Variants in PEDS1 observed in about 807,000 individuals in gnomAD.
The protein encoded by PEDS1 is CarF homolog.
Under a neutral mutation model 35.2 loss-of-function variants are expected in PEDS1, and 14 were observed. That is an observed-to-expected ratio of 0.40 (90% CI 0.26 to 0.62). PEDS1 has a LOEUF of 0.62. PEDS1 is among the 20% of genes least tolerant of loss of function. The pLI is 0.44. For missense variants in PEDS1, 260 were observed against 367.8 expected (o/e 0.71, Z 2.40); for synonymous variants, 152 against 152.0 (o/e 1.00, Z 0.00).
intron 1 of PEDS1, among the ~76,000 whole-genome samples, chr20:50,145,298 G>C (rs2081334384): frequency 6.6e-6 from 1 of 152,176 alleles, no homozygotes; most frequent in Non-Finnish European, 1.5e-5. Context: ...GGGAAGCTGA[G>C]GCGAGAGGAT....
At chr20:50,131,111 C>T in intron 2 of PEDS1, 164 bp from the exon 3 acceptor site, 2 of 1,518,658 alleles carry the variant, frequency 1.3e-6, no homozygotes, top group Middle Eastern at 1.8e-4. Context: ...TCAGGCTTAA[C>T]ACTCCTCCTG....
intron 2 of PEDS1, among the ~76,000 whole-genome samples, chr20:50,142,495 T>TG (rs1569048614): frequency 6.6e-6 from 1 of 152,194 alleles, no homozygotes; most frequent in African/African-American, 2.4e-5. Flanking sequence ...TGAAGTGCTG[T>TG]GGCGTGATCT....
Position 50,134,023 on chromosome 20 carries a change from G to A in PEDS1, c.242-3076C>T, listed in dbSNP as rs141063583. On this transcript the variant is annotated intron_variant, in intron 2 of 5. Coordinates refer to ENST00000371652, the MANE Select transcript of PEDS1 (RefSeq NM_199129.4). ...TACTTTGGGATGCTGTGTATGCACT[G>A]CCTCTGTCTACCAGCAGGGACAAAA... Among the ~76,000 whole-genome samples the A allele has an allele frequency of 4.6e-5, 7 of 152,320 alleles. No individual in the cohort carries two copies. The East Asian group carries it at 9.6e-4, about 21-fold the overall frequency.
Position 50,153,581 on chromosome 20 carries a change from C to G in PEDS1, c.57G>C (p.Ala19=). 2 of 1,432,448 alleles carry G rather than the reference C, an allele frequency of 1.4e-6. No individual in the cohort carries two copies. The highest frequency in any genetic ancestry group is 1.4e-5 in the South Asian group (1 of 73,482). The allele number at this position is 1,432,448 out of a possible 1,614,324, so 88.7% of individuals were successfully genotyped here. ...GQQLELDEDE[A]SCCRWGAQHA... is the part of the protein sequence containing the mutation. ...GCTGCGCGCCCCAGCGGCAACAAGACGCCTCGTCCTCGTCCAGCTCCAGCT... is the reference window on the plus strand; with the variant it reads ...GCTGCGCGCCCCAGCGGCAACAAGAGGCCTCGTCCTCGTCCAGCTCCAGCT... Residue 19 remains alanine, a synonymous_variant, in exon 1 of 6, where the codon GCG becomes GCC. Coordinates refer to ENST00000371652, the MANE Select transcript of PEDS1 (RefSeq NM_199129.4).
chr20:50,153,091 T>C (rs1601239302), intron 1 of PEDS1, among the ~76,000 whole-genome samples: 2 of 149,268 alleles, frequency 1.3e-5, no homozygotes, highest in Non-Finnish European at 3.0e-5. Context: ...GAACCCAGGA[T>C]GAGGTGTGAC....
chr20:50,143,433 C>A, intron 2 of PEDS1, 69 bp downstream of exon 2: 2 of 1,552,042 alleles, frequency 1.3e-6, no homozygotes, highest in Non-Finnish European at 8.7e-7. Flanking sequence ...CACACACACG[C>A]GCCAGTTACC....
At chr20:50,136,439 G>A (rs1387797128) in intron 2 of PEDS1, among the ~76,000 whole-genome samples, 1 of 152,154 alleles carries the variant, frequency 6.6e-6, no homozygotes, top group Non-Finnish European at 1.5e-5. Flanking sequence ...GAATGAGGAC[G>A]GAGGCTGGGC....
At chr20:50,133,178 G>A (rs375337322) in intron 2 of PEDS1, among the ~76,000 whole-genome samples, 30 of 152,176 alleles carry the variant, frequency 2.0e-4, no homozygotes, top group East Asian at 1.4e-3. Context: ...AAGTAAGCAC[G>A]CAAGTCACTG....
Position 50,146,743 on chromosome 20 carries a change from C to T in PEDS1, c.122-3122G>A, listed in dbSNP as rs149705514. Among the ~76,000 whole-genome samples the T allele has an allele frequency of 4.8e-4, 73 of 152,264 alleles. No homozygotes were observed. The East Asian group carries it at 9.1e-3, about 19-fold the overall frequency. ...TTGGCTCCTTTTGTGCAGAAGAAGA[C>T]CGTGAAGCCCAGGAAGGAGAAGGAC... On this transcript the variant is annotated intron_variant, in intron 1 of 5. Transcript: ENST00000371652.
chr20:50,152,046 G>A (rs1347619687), intron 1 of PEDS1, among the ~76,000 whole-genome samples: 2 of 152,282 alleles, frequency 1.3e-5, no homozygotes, highest in East Asian at 3.9e-4. Context: ...TCATACAGCT[G>A]AATAACAGAG....
chr20:50,149,879 C>T (rs1255106294), intron 1 of PEDS1, among the ~76,000 whole-genome samples: 4 of 152,196 alleles, frequency 2.6e-5, no homozygotes, highest in Non-Finnish European at 5.9e-5. Context: ...AGGCCTAGCC[C>T]TACTGCTGCC....
At chr20:50,138,898 T>C (rs56163765) in intron 2 of PEDS1, among the ~76,000 whole-genome samples, 1,896 of 152,286 alleles carry the variant, frequency 0.012, 40 homozygotes, top group African/African-American at 0.044. Flanking sequence ...ACGGGGGAAC[T>C]TGAGGTAGTC....
At chr20:50,132,648 G>A (rs1006295763) in intron 2 of PEDS1, among the ~76,000 whole-genome samples, 1 of 152,120 alleles carries the variant, frequency 6.6e-6, no homozygotes, top group Non-Finnish European at 1.5e-5. Context: ...CTCTTGTGCT[G>A]GTTTATTTTC....
chr20:50,118,684 A>ATCTCAG lies in PEDS1; in HGVS notation c.*6368_*6373dup, dbSNP rs2081025897. ...GCCCAGGCTGGAGTTCAGTGGCGCG[A>ATCTCAG]TCTCAGTTCACTGCAACCTCCGCCT... On this transcript the variant is annotated 3_prime_UTR_variant, in exon 6 of 6. Coordinates refer to ENST00000371652, the MANE Select transcript of PEDS1 (RefSeq NM_199129.4). 6.6e-6 allele frequency: 1 copy of ATCTCAG among 151,440 alleles called. No individual in the cohort carries two copies. The highest frequency in any genetic ancestry group is 2.4e-5 in the African/African-American group (1 of 41,182). 9.4% of individuals were successfully genotyped at this position (151,440 alleles called of 1,614,324 possible).
chr20:50,131,094 TG>T (rs1569043075), intron 2 of PEDS1, 147 bp from the exon 3 acceptor site: 36 of 1,549,604 alleles, frequency 2.3e-5, no homozygotes, highest in Non-Finnish European at 2.6e-5. Context: ...TCCCTGAAGA[TG>T]GAGCCTCAGG....
intron 2 of PEDS1, among the ~76,000 whole-genome samples, 198 bp downstream of exon 2, chr20:50,143,304 A>T (rs1335565739): frequency 6.6e-6 from 1 of 152,076 alleles, no homozygotes; most frequent in Non-Finnish European, 1.5e-5. Context: ...GGAACTGAGG[A>T]TCATGTTTAG....
At chr20:50,139,679 CTTT>C (rs11479032) in intron 2 of PEDS1, among the ~76,000 whole-genome samples, 4 of 137,300 alleles carry the variant, frequency 2.9e-5, no homozygotes, top group South Asian at 2.4e-4. Flanking sequence ...GGATTTCTTT[CTTT>C]TTTTTTTTTT....
Position 50,153,502 on chromosome 20 carries a change from G to A in PEDS1, c.121+15C>T, listed in dbSNP as rs946505353. 5.8e-6 allele frequency: 8 copies of A among 1,367,834 alleles called. No individual in the cohort carries two copies. The highest frequency in any genetic ancestry group is 1.9e-4 in the Middle Eastern group (1 of 5,264). 84.7% of individuals were successfully genotyped at this position (1,367,834 alleles called of 1,614,324 possible). On this transcript the variant is annotated intron_variant, in intron 1 of 5. Coordinates refer to ENST00000371652, the MANE Select transcript of PEDS1 (RefSeq NM_199129.4). ...CTGGTGACCGCAGGCCTGGAGGGGGGCCCAGAGGTCTTACCTGGCGAGTAG... is the reference window on the plus strand; with the variant it reads ...CTGGTGACCGCAGGCCTGGAGGGGGACCCAGAGGTCTTACCTGGCGAGTAG...
At chr20:50,146,887 C>G (rs1342017366) in intron 1 of PEDS1, among the ~76,000 whole-genome samples, 1 of 152,194 alleles carries the variant, frequency 6.6e-6, no homozygotes, top group African/African-American at 2.4e-5. Context: ...GCAGCCGCCC[C>G]AGCCTGGGGA....
Sources: allele counts gnomAD v4.1 joint callset (sites outside exome capture counted in the v4.1 genomes callset), GRCh38; gene constraint gnomAD v4.1.1; transcripts MANE v1.5; gene names NCBI Gene and HGNC (gene_info 2026-07-23, HGNC 2026-07-21).